The following TMC3 variants were observed in gnomAD, a reference collection of about 807,000 sequenced individuals.
TMC3 encodes transmembrane channel-like protein 3.
In TMC3, 98 loss-of-function variants were observed where a neutral mutation model predicts 110.6. That is an observed-to-expected ratio of 0.89 (90% CI 0.75 to 1.05). The LOEUF (loss-of-function observed/expected upper bound fraction) is 1.05, where lower values mean the gene tolerates loss of function less well. Ranked by LOEUF, TMC3 falls within the 50% of genes least tolerant of loss-of-function variation. The pLI, the probability that TMC3 is intolerant of heterozygous loss-of-function variation, is 0.00. For synonymous variants in TMC3, 489 were observed against 513.1 expected (o/e 0.95, Z 0.63); for missense variants, 1,319 against 1,373.2 (o/e 0.96, Z 0.62).
intron 16 of TMC3, among the ~76,000 whole-genome samples, chr15:81,341,145 T>C (rs921671367): frequency 4.6e-5 from 7 of 152,196 alleles, no homozygotes; most frequent in Non-Finnish European, 1.0e-4. Context: ...ACTTTTTTTC[T>C]AAAGGATTAT....
In TMC3 at chr15:81,358,177, C is replaced by G; in HGVS notation, c.715G>C (p.Ala239Pro). Residue 239 changes from alanine to proline, a missense_variant, in exon 7 of 22, where the codon GCT (alanine) becomes CCT (proline). Ala to Pro is a conservative substitution (Grantham distance 27, BLOSUM62 -1). Coordinates refer to ENST00000359440, the MANE Select transcript of TMC3 (RefSeq NM_001080532.3). ...TTTAAAAGAATGATGAAGCTGTAAGCAAACACTGCCATCCCCACTAGGAAA... is the reference window on the plus strand; with the variant it reads ...TTTAAAAGAATGATGAAGCTGTAAGGAAACACTGCCATCCCCACTAGGAAA... ...AYFLVGMAVF[A>P]YSFIILLKKM... 6.2e-7 allele frequency: 1 copy of G among 1,605,858 alleles called. No homozygotes were observed. The highest frequency in any genetic ancestry group is 8.5e-7 in the Non-Finnish European group (1 of 1,177,368).
intron 2 of TMC3, among the ~76,000 whole-genome samples, chr15:81,369,898 C>A (rs1894397083): frequency 1.3e-5 from 2 of 152,164 alleles, no homozygotes; most frequent in South Asian, 4.1e-4. Flanking sequence ...TGCACTCCAG[C>A]CTGGGTGAGA....
intron 17 of TMC3, among the ~76,000 whole-genome samples, 187 bp from the exon 18 acceptor site, chr15:81,338,967 T>G (rs1004665733): frequency 2.0e-5 from 3 of 152,212 alleles, no homozygotes; most frequent in Admixed American, 6.5e-5. Context: ...TGTGTTCTAA[T>G]CGTGTACACT....
chr15:81,332,335 CTT>C lies in TMC3; in HGVS notation c.*82_*83del, dbSNP rs1052215200. 5.4e-5 allele frequency: 80 copies of C among 1,473,726 alleles called. No homozygotes were observed. The highest frequency in any genetic ancestry group is 7.6e-5 in the Admixed American group (3 of 39,350). The allele number at this position is 1,473,726 out of a possible 1,614,324, so 91.3% of individuals were successfully genotyped here. A position where few individuals can be genotyped will look rare whatever the true frequency, so the allele number is the denominator to read the frequency against. Reference sequence around the variant, plus strand: ...AGGTCTCTAACACACTTGTTCACCTCTTTTTCCAGAAAGGGAGATGCCATGTG... The same window carrying C: ...AGGTCTCTAACACACTTGTTCACCTCTTTCCAGAAAGGGAGATGCCATGTG... On this transcript the variant is annotated 3_prime_UTR_variant, in exon 22 of 22. Coordinates refer to ENST00000359440, the MANE Select transcript of TMC3 (RefSeq NM_001080532.3).
At chr15:81,372,361 CACACACACA>C (rs1278638007) in intron 2 of TMC3, among the ~76,000 whole-genome samples, 9 of 91,252 alleles carry the variant, frequency 9.9e-5, no homozygotes, top group African/African-American at 6.1e-4. Context: ...CACACACACA[CACACACACA>C]CACACACACA....
At chr15:81,349,271 TC>T (rs1567064695) in intron 11 of TMC3, among the ~76,000 whole-genome samples, 186 bp downstream of exon 11, 3 of 152,114 alleles carry the variant, frequency 2.0e-5, no homozygotes, top group Non-Finnish European at 4.4e-5. Flanking sequence ...CTCCTCCTCT[TC>T]CCCTGCCTCC....
At chr15:81,358,569 G>T (rs1894117885) in intron 5 of TMC3, 69 bp from the exon 6 acceptor site, 15 of 1,281,640 alleles carry the variant, frequency 1.2e-5, no homozygotes, top group Non-Finnish European at 1.6e-5. Flanking sequence ...ATGAGAGGTT[G>T]ATCTCCATGT....
rs1409054544 is a variant in TMC3 at position 81,358,462 on chromosome 15, C to T, written c.540G>A (p.Lys180=). The T allele has an allele frequency of 4.3e-6, 7 of 1,613,574 alleles. No homozygotes were observed. In the Admixed American group the frequency reaches 6.7e-5, roughly 15 times the overall value. Residue 180 remains lysine, a synonymous_variant, in exon 6 of 22, where the codon AAG becomes AAA. Transcript: ENST00000359440. ...ACGAAACCTGCTCCTTGGGGATGGTCTTCCTGGCTGTGCTTCCAAAGGGCT... is the reference window on the plus strand; with the variant it reads ...ACGAAACCTGCTCCTTGGGGATGGTTTTCCTGGCTGTGCTTCCAAAGGGCT... The part of the protein sequence containing the change: ...AGQPFGSTAR[K]TIPKEQVSSA...
intron 3 of TMC3, 71 bp downstream of exon 3, chr15:81,368,182 C>G: frequency 4.5e-6 from 5 of 1,121,380 alleles, no homozygotes; most frequent in Non-Finnish European, 6.8e-6. Flanking sequence ...ATCCACCTCC[C>G]TTGGCCTCCC....
At chr15:81,344,512 C>G (rs1352104301) in intron 13 of TMC3, among the ~76,000 whole-genome samples, 2 of 152,194 alleles carry the variant, frequency 1.3e-5, no homozygotes, top group Non-Finnish European at 2.9e-5. Context: ...GTTTCCTCAT[C>G]TGTGCCTATA....
chr15:81,348,975 G>C (rs542244546), intron 11 of TMC3, among the ~76,000 whole-genome samples: 28 of 152,192 alleles, frequency 1.8e-4, no homozygotes, highest in African/African-American at 6.5e-4. Context: ...ACCACGCCCA[G>C]CTATTTTTTA....
chr15:81,357,438 G>A (rs921992980), intron 7 of TMC3, among the ~76,000 whole-genome samples: 5 of 151,894 alleles, frequency 3.3e-5, no homozygotes, highest in Non-Finnish European at 5.9e-5. Context: ...GCTTTTCCCC[G>A]GGATTTGGAG....
At chr15:81,337,345 C>T (rs555442222) in intron 19 of TMC3, among the ~76,000 whole-genome samples, 8 of 152,064 alleles carry the variant, frequency 5.3e-5, no homozygotes, top group Middle Eastern at 3.2e-3. Flanking sequence ...GTTTTGGGAG[C>T]GTGTGTCTCC....
chr15:81,373,716 CTG>C (rs1371570221), intron 1 of TMC3, among the ~76,000 whole-genome samples: 5 of 152,180 alleles, frequency 3.3e-5, no homozygotes, highest in Non-Finnish European at 7.3e-5. Context: ...GGAAACATAT[CTG>C]TGGGTTTGGC....
At chr15:81,338,634 G>A in intron 18 of TMC3, 21 bp downstream of exon 18, 1 of 1,609,422 alleles carries the variant, frequency 6.2e-7, no homozygotes, top group Non-Finnish European at 8.5e-7. Flanking sequence ...TCCCTCCAAA[G>A]CTGGCAGGTG....
At chr15:81,362,133 A>C in intron 4 of TMC3, 87 bp downstream of exon 4, 7 of 1,231,550 alleles carry the variant, frequency 5.7e-6, no homozygotes, top group Non-Finnish European at 6.9e-6. Context: ...GCACAGCATA[A>C]GGACCAGAAC....
At chr15:81,360,588 C>T (rs1255771106) in intron 4 of TMC3, among the ~76,000 whole-genome samples, 2 of 150,762 alleles carry the variant, frequency 1.3e-5, no homozygotes, top group African/African-American at 4.8e-5. Flanking sequence ...AAGCACTCTC[C>T]GTAGAGAAGT....
At chr15:81,333,832 T>A (rs1008477764) in intron 21 of TMC3, among the ~76,000 whole-genome samples, 1 of 151,608 alleles carries the variant, frequency 6.6e-6, no homozygotes, top group Non-Finnish European at 1.5e-5. Flanking sequence ...CTATTGAAAA[T>A]ACAAAAAAAT....
At chr15:81,347,227 G>GC (rs1567064075) in intron 11 of TMC3, among the ~76,000 whole-genome samples, 1 of 152,218 alleles carries the variant, frequency 6.6e-6, no homozygotes, top group African/African-American at 2.4e-5. Flanking sequence ...ACAACACTTA[G>GC]CCCTTGGAGA....
Sources: gnomAD v4.1 joint callset for allele counts (sites outside exome capture counted in the v4.1 genomes callset) on GRCh38, gnomAD v4.1.1 for gene constraint, MANE v1.5 for transcripts, NCBI Gene and HGNC (gene_info 2026-07-23, HGNC 2026-07-21) for gene names.